Variants in NFKBID observed in about 807,000 individuals in gnomAD.
The protein encoded by NFKBID is NFKB inhibitor delta.
A neutral mutation model predicts 53.4 loss-of-function variants in NFKBID; 26 were observed. The observed-to-expected ratio is 0.49, with a 90% confidence interval of 0.36 to 0.68. The LOEUF (loss-of-function observed/expected upper bound fraction) is 0.68. NFKBID is among the 30% of genes least tolerant of loss of function. The pLI is 0.00. For synonymous variants in NFKBID, 262 were observed against 259.8 expected (o/e 1.01, Z -0.08); for missense variants, 493 against 614.1 (o/e 0.80, Z 2.08).
rs771468329 is a variant in NFKBID, at chr19:35,890,059, A to G, written c.1150-5T>C. ...GAGGGCTGTGTTCCCGTGGGCCTGG[A>G]AAAGTAAGGGGAGGGCTGGTGGGGA... On this transcript the variant is annotated splice_region_variant and splice_polypyrimidine_tract_variant and intron_variant, in intron 10 of 11. Transcript: ENST00000641389. 2 of 1,595,856 alleles carry G rather than the reference A, an allele frequency of 1.3e-6. No individual in the cohort carries two copies. The highest frequency in any genetic ancestry group is 2.2e-5 in the East Asian group (1 of 44,608).
chr19:35,899,594 A>C (rs890420465), intron 1 of NFKBID: 11 of 146,996 alleles, frequency 7.5e-5, no homozygotes, highest in African/African-American at 2.5e-4. Context: ...GCCCATCCAT[A>C]CAGTCTCTTT....
upstream of NFKBID, among the ~76,000 whole-genome samples, chr19:35,900,831 T>TC (rs1292705719): frequency 1.7e-4 from 22 of 125,886 alleles, no homozygotes; most frequent in South Asian, 7.2e-4. Flanking sequence ...TCTTTTCTTT[T>TC]TTTTTTTTTT....
At chr19:35,890,613 T>C (rs1974698453) in intron 9 of NFKBID, 123 bp from the exon 10 acceptor site, 1 of 775,442 alleles carries the variant, frequency 1.3e-6, no homozygotes, top group Non-Finnish European at 2.3e-6. Flanking sequence ...CCTGTAATCC[T>C]AGCACTTTGG....
At position 35,896,209 on chromosome 19, in the gene NFKBID, C is replaced by T. The variant is rs774498149; in HGVS notation, c.883+9G>A. ...CCAACCACACCAGCCCTGCCCACAC[C>T]CAACTTACCCTCGAAGTCTCTGGCT... On this transcript the variant is annotated intron_variant, in intron 8 of 11. Transcript: ENST00000641389. The surrounding 1 kb of genome is among the most constrained non-coding windows in gnomAD (Gnocchi z 5.7). The T allele has an allele frequency of 1.2e-5, 19 of 1,614,106 alleles. No homozygotes were observed. Among genetic ancestry groups the T allele is most frequent in the Admixed American group, 1.7e-5 (1 of 60,004 alleles).
At chr19:35,900,610 C>T in exon 1 of NFKBID, 1 of 1,230,216 alleles carries the variant, frequency 8.1e-7, no homozygotes, top group Non-Finnish European at 1.0e-6. Flanking sequence ...GGGCAGGGCC[C>T]GCCCACAGGC....
chr19:35,896,699 C>T lies in NFKBID; in HGVS notation c.684+27G>A, dbSNP rs914627045. 9 of 1,606,484 alleles carry T rather than the reference C, an allele frequency of 5.6e-6. No homozygotes were observed. The highest frequency in any genetic ancestry group is 7.7e-6 in the Non-Finnish European group (9 of 1,174,112). ...CCCAGGCTCCTTCCTCCCCTGAACC[C>T]AGGAGAGTTCAGGCCCCAAGCCTCA... On this transcript the variant is annotated intron_variant, in intron 6 of 11. Coordinates refer to ENST00000641389, the Ensembl canonical transcript of NFKBID. The surrounding 1 kb of genome is among the most constrained non-coding windows in gnomAD (Gnocchi z 5.7).
chr19:35,898,549 A>T lies in NFKBID; in HGVS notation c.166-17T>A. On this transcript the variant is annotated splice_polypyrimidine_tract_variant and intron_variant, in intron 2 of 11. Transcript: ENST00000641389. The stretch of plus-strand genomic sequence containing the variant: ...AAATTGTCCCTGTAGAGACAAAAGC[A>T]AAAAGGAACCCAGGTGACTTTATCT... 4 of 1,520,378 alleles carry T rather than the reference A, an allele frequency of 2.6e-6. No homozygotes were observed. The highest frequency in any genetic ancestry group is 2.6e-6 in the Non-Finnish European group (3 of 1,140,558). The allele number at this position is 1,520,378 out of a possible 1,614,324, so 94.2% of individuals were successfully genotyped here.
chr19:35,896,655 A>G lies in NFKBID; in HGVS notation c.684+71T>C. 1.3e-6 allele frequency: 2 copies of G among 1,497,446 alleles called. No homozygotes were observed. Among genetic ancestry groups the G allele is most frequent in the Admixed American group, 3.7e-5 (2 of 53,708 alleles). The allele number at this position is 1,497,446 out of a possible 1,614,324, so 92.8% of individuals were successfully genotyped here. On this transcript the variant is annotated intron_variant, in intron 6 of 11. Transcript: ENST00000641389. This position sits in a 1 kb window ranked among gnomAD's most constrained non-coding sequence, Gnocchi z 5.7. ...CTCACCCCCCATTCCCCTCTTCTCT[A>G]GGATCCAGGGGTCCAGGCCCCAGGC... is the stretch of plus-strand genomic sequence containing the variant.
intron 9 of NFKBID, among the ~76,000 whole-genome samples, chr19:35,892,272 G>A (rs921947945): frequency 3.3e-5 from 5 of 151,926 alleles, no homozygotes; most frequent in South Asian, 4.1e-4. Context: ...GGTTGGTCTC[G>A]AATTCCTGAG....
rs754948849 is a variant in NFKBID, at chr19:35,896,155, C to G, written c.884-27G>C. 2 of 1,613,868 alleles carry G rather than the reference C, an allele frequency of 1.2e-6. No homozygotes were observed. The highest frequency in any genetic ancestry group is 1.7e-5 in the Admixed American group (1 of 60,016). Reference sequence around the variant, plus strand: ...TGCAGAATGGAGACAGTGAGGGACCCGCATCTGCACCCACCTCGCCCAGCC... The same window carrying G: ...TGCAGAATGGAGACAGTGAGGGACCGGCATCTGCACCCACCTCGCCCAGCC... On this transcript the variant is annotated intron_variant, in intron 8 of 11. Transcript: ENST00000641389. This position sits in a 1 kb window ranked among gnomAD's most constrained non-coding sequence, Gnocchi z 5.7.
intron 11 of NFKBID, 68 bp from the exon 12 acceptor site, chr19:35,888,680 T>C: frequency 9.3e-6 from 11 of 1,188,002 alleles, no homozygotes; most frequent in Non-Finnish European, 1.3e-5. Flanking sequence ...AGGCACGCCA[T>C]GCAGAGGGAG....
chr19:35,897,322 T>C (rs1975248984), intron 4 of NFKBID, among the ~76,000 whole-genome samples: 1 of 151,938 alleles, frequency 6.6e-6, no homozygotes. Flanking sequence ...CAGTGCAATC[T>C]CTACTCACTG....
chr19:35,897,901 TGGGG>T, intron 3 of NFKBID, 45 bp from the exon 4 acceptor site: 1 of 1,365,188 alleles, frequency 7.3e-7, no homozygotes, highest in Admixed American at 2.0e-5. Flanking sequence ...TTACCAGAGT[TGGGG>T]ACGTCACATC....
Position 35,900,532 on chromosome 19 carries a change from C to T in NFKBID, c.-30G>A, listed in dbSNP as rs996279952. On this transcript the variant is annotated 5_prime_UTR_variant, in exon 1 of 12. Coordinates refer to ENST00000641389, the Ensembl canonical transcript of NFKBID. ...GCTGTTTCCCCCGCGGAGCCGCCGC[C>T]GGGTCCCCGATCTTGGGTCCGGTAC... The T allele has an allele frequency of 2.4e-5, 29 of 1,231,748 alleles. No homozygotes were observed. In the African/African-American group the frequency reaches 3.9e-4, roughly 16 times the overall value. The allele number at this position is 1,231,748 out of a possible 1,614,324, so 76.3% of individuals were successfully genotyped here.
In NFKBID at chr19:35,896,225, GTC is replaced by G; in HGVS notation, c.874_875del (p.Asp292LeufsTer15). The G allele has an allele frequency of 6.2e-7, 1 of 1,614,210 alleles. No individual in the cohort carries two copies. Among genetic ancestry groups the G allele is most frequent in the Non-Finnish European group, 8.5e-7 (1 of 1,180,028 alleles). ...TGCCCACACCCAACTTACCCTCGAAGTCTCTGGCTTCCAGGTCAACCTGGACC... is the reference window on the plus strand; with the variant it reads ...TGCCCACACCCAACTTACCCTCGAAGTCTGGCTTCCAGGTCAACCTGGACC... On this transcript the variant is annotated frameshift_variant, in exon 8 of 12. Coordinates refer to ENST00000641389, the Ensembl canonical transcript of NFKBID. LOFTEE classifies it high-confidence loss of function. This position sits in a 1 kb window ranked among gnomAD's most constrained non-coding sequence, Gnocchi z 5.7.
Position 35,898,549 on chromosome 19 carries a change from A to G in NFKBID, c.166-17T>C. 1 of 1,520,378 alleles carries G rather than the reference A, an allele frequency of 6.6e-7. No individual in the cohort carries two copies. The highest frequency in any genetic ancestry group is 8.8e-7 in the Non-Finnish European group (1 of 1,140,558). 94.2% of individuals were successfully genotyped at this position (1,520,378 alleles called of 1,614,324 possible). On this transcript the variant is annotated splice_polypyrimidine_tract_variant and intron_variant, in intron 2 of 11. Transcript: ENST00000641389. ...AAATTGTCCCTGTAGAGACAAAAGC[A>G]AAAAGGAACCCAGGTGACTTTATCT...
At chr19:35,900,172 C>G (rs974768219) in intron 1 of NFKBID, among the ~76,000 whole-genome samples, 2 of 145,106 alleles carry the variant, frequency 1.4e-5, no homozygotes, top group Admixed American at 1.4e-4. Context: ...ACCCAGAGAT[C>G]CAGCCTCCCA....
intron 9 of NFKBID, among the ~76,000 whole-genome samples, chr19:35,891,369 G>A (rs575728684): frequency 6.6e-6 from 1 of 152,098 alleles, no homozygotes. Flanking sequence ...AAAAAATGAT[G>A]AAGACAAAAC....
intron 1 of NFKBID, 114 bp from the exon 2 acceptor site, chr19:35,898,936 A>T (rs1975384835): frequency 2.8e-6 from 2 of 708,224 alleles, no homozygotes; most frequent in Non-Finnish European, 4.8e-6. Context: ...CCGCGCGGAA[A>T]AACTGGCACA....
Sources: allele counts gnomAD v4.1 joint callset (sites outside exome capture counted in the v4.1 genomes callset), GRCh38; gene constraint gnomAD v4.1.1; non-coding constraint Gnocchi (gnomAD v3.1); transcripts MANE v1.5; gene names NCBI Gene and HGNC (gene_info 2026-07-23, HGNC 2026-07-21).